Variants in PUS10 observed in about 807,000 individuals in gnomAD.
The protein encoded by PUS10 is tRNA pseudouridine synthase Pus10.
A neutral mutation model predicts 75.0 loss-of-function variants in PUS10; 59 were observed. That is an observed-to-expected ratio of 0.79 (90% CI 0.64 to 0.98). The LOEUF (loss-of-function observed/expected upper bound fraction) is 0.98, where lower values mean the gene tolerates loss of function less well. PUS10 is among the 50% of genes least tolerant of loss of function. The pLI is 0.00. For missense variants in PUS10, 650 were observed against 614.4 expected (o/e 1.06, Z -0.61); for synonymous variants, 219 against 211.6 (o/e 1.03, Z -0.30).
chr2:60,950,447 T>A (rs1675266026), intron 15 of PUS10, among the ~76,000 whole-genome samples: 1 of 152,196 alleles, frequency 6.6e-6, no homozygotes, highest in African/African-American at 2.4e-5. Context: ...AGACAGAGTC[T>A]CACTCTGTCC....
At position 61,015,225 on chromosome 2, in the gene PUS10, C is replaced by T. The variant is rs188126102; in HGVS notation, c.-16+2783G>A. On this transcript the variant is annotated intron_variant, in intron 1 of 17. Coordinates refer to ENST00000316752, the MANE Select transcript of PUS10 (RefSeq NM_144709.4). The stretch of plus-strand genomic sequence containing the variant: ...TCTAAATAATGAAGATCTGGCCAGG[C>T]CCAGTGGCTCACGCCTGTAATCCCA... Among the ~76,000 whole-genome samples, 15 of 152,302 alleles carry T rather than the reference C, an allele frequency of 9.8e-5. No individual in the cohort carries two copies. In the East Asian group the frequency reaches 2.1e-3, roughly 22 times the overall value.
intron 2 of PUS10, chr2:61,010,985 G>A (rs1365583710): frequency 5.6e-6 from 8 of 1,422,376 alleles, no homozygotes; most frequent in Non-Finnish European, 6.6e-6. Flanking sequence ...TGAATATTGT[G>A]TATTATTATT....
At chr2:60,943,040 A>G (rs77232018) in intron 17 of PUS10, among the ~76,000 whole-genome samples, 5 of 150,368 alleles carry the variant, frequency 3.3e-5, no homozygotes, top group Non-Finnish European at 5.9e-5. Flanking sequence ...ATCTCAGAAA[A>G]AAAAAAAAAA....
rs181013728 is a variant in PUS10, at chr2:60,956,892, G to A, written c.1001-1818C>T. Among the ~76,000 whole-genome samples, 594 of 144,978 alleles carry A rather than the reference G, an allele frequency of 4.1e-3. 2 individuals carry two copies. The highest frequency in any genetic ancestry group is 5.9e-3 in the Non-Finnish European group (397 of 67,180). ...TGGGAGGCTGAGGTAGGAGAATGGC[G>A]TGAACCTGGGAGGCTGAGCTTGCAG... is the stretch of plus-strand genomic sequence containing the variant. On this transcript the variant is annotated intron_variant, in intron 11 of 17. Coordinates refer to ENST00000316752, the MANE Select transcript of PUS10 (RefSeq NM_144709.4).
rs1676669904 is a variant in PUS10, at chr2:60,971,628, T to G, written c.469-71A>C. 16 of 1,404,616 alleles carry G rather than the reference T, an allele frequency of 1.1e-5. No homozygotes were observed. The South Asian group carries it at 1.9e-4, about 16-fold the overall frequency. 87.0% of individuals were successfully genotyped at this position (1,404,616 alleles called of 1,614,324 possible). ...TGTTCAGTGAAATTAAGTCTCAATATCATTACTGAAGTGCTTAACTATTTG... is the reference window on the plus strand; with the variant it reads ...TGTTCAGTGAAATTAAGTCTCAATAGCATTACTGAAGTGCTTAACTATTTG... On this transcript the variant is annotated intron_variant, in intron 4 of 17. Coordinates refer to ENST00000316752, the MANE Select transcript of PUS10 (RefSeq NM_144709.4).
chr2:60,985,628 G>A (rs1053180371), intron 4 of PUS10, among the ~76,000 whole-genome samples: 1 of 152,020 alleles, frequency 6.6e-6, no homozygotes, highest in East Asian at 1.9e-4. Context: ...AGCCTCCCGA[G>A]TAGCGGGAAT....
chr2:60,953,976 A>T lies in PUS10; in HGVS notation c.1147T>A (p.Ser383Thr), dbSNP rs1177406215. 6.2e-7 allele frequency: 1 copy of T among 1,613,798 alleles called. No homozygotes were observed. Among genetic ancestry groups the T allele is most frequent in the Non-Finnish European group, 8.5e-7 (1 of 1,179,748 alleles). The change falls in exon 14 of 18, where the codon TCA (serine) becomes ACA (threonine). Residue 383 changes from serine to threonine, a missense_variant. Ser to Thr is a moderately conservative substitution (Grantham distance 58). Coordinates refer to ENST00000316752, the MANE Select transcript of PUS10 (RefSeq NM_144709.4). ...IKELQQKINN[S>T]SNKIQVRDLQ... ...TCACGTACTTGGATTTTGTTAGATGAGTTATTAATTTTCTGTAGTAGCAGA... is the reference window on the plus strand; with the variant it reads ...TCACGTACTTGGATTTTGTTAGATGTGTTATTAATTTTCTGTAGTAGCAGA...
intron 10 of PUS10, among the ~76,000 whole-genome samples, chr2:60,961,133 T>C (rs1284131196): frequency 6.6e-6 from 1 of 152,212 alleles, no homozygotes; most frequent in African/African-American, 2.4e-5. Flanking sequence ...TGTTATAAAA[T>C]AGCCTCTGTC....
chr2:61,007,769 C>CAAA lies in PUS10; in HGVS notation c.381+989_381+991dup, dbSNP rs70959884. On this transcript the variant is annotated intron_variant, in intron 3 of 17. Coordinates refer to ENST00000316752, the MANE Select transcript of PUS10 (RefSeq NM_144709.4). ...GGGTGACAAGAGCCAAACTCTGTCT[C>CAAA]AAAAAAAAAAAAAAACAGAAAAAAA... is the stretch of plus-strand genomic sequence containing the variant. Among the ~76,000 whole-genome samples the CAAA allele has an allele frequency of 1.7e-3, 136 of 80,570 alleles. 1 individual carries two copies. The highest frequency in any genetic ancestry group is 0.014 in the Middle Eastern group (2 of 146). 52.9% of individuals were successfully genotyped at this position (80,570 alleles called of 152,430 possible). A position where few individuals can be genotyped will look rare whatever the true frequency, so the allele number is the denominator to read the frequency against.
In PUS10 at chr2:60,962,815, C is replaced by T. The variant is rs1440442109; in HGVS notation, c.788+11G>A. 1 of 1,578,744 alleles carries T rather than the reference C, an allele frequency of 6.3e-7. No individual in the cohort carries two copies. ...TTCACGATGCTTCTTTGTTTCTAAA[C>T]TTCTACTTACTTAAGGAAATCCTCT... is the stretch of plus-strand genomic sequence containing the variant. On this transcript the variant is annotated intron_variant, in intron 9 of 17. Transcript: ENST00000316752.
chr2:60,975,731 G>A (rs1376528705), intron 4 of PUS10, among the ~76,000 whole-genome samples: 3 of 146,900 alleles, frequency 2.0e-5, no homozygotes, highest in Non-Finnish European at 4.5e-5. Context: ...ATTTTGTCCC[G>A]CCCTTCCTTC....
At chr2:60,948,583 G>T (rs1424000902) in intron 15 of PUS10, among the ~76,000 whole-genome samples, 6 of 150,554 alleles carry the variant, frequency 4.0e-5, no homozygotes, top group African/African-American at 1.2e-4. Flanking sequence ...GGTTGTTTTG[G>T]TTTTTTTTTG....
At chr2:60,967,689 A>G (rs1676426911) in intron 5 of PUS10, 76 bp from the exon 6 acceptor site, 1 of 954,960 alleles carries the variant, frequency 1.0e-6, no homozygotes, top group Admixed American at 2.2e-5. Flanking sequence ...TTATGCAATT[A>G]TTTTTAAAAT....
At chr2:60,953,872 G>GAT in intron 14 of PUS10, 61 bp downstream of exon 14, 1 of 1,263,340 alleles carries the variant, frequency 7.9e-7, no homozygotes, top group Admixed American at 1.7e-5. Context: ...CCCTTATCAA[G>GAT]ATATGTGACC....
chr2:61,006,939 A>G (rs189157796), intron 3 of PUS10, among the ~76,000 whole-genome samples: 3 of 152,304 alleles, frequency 2.0e-5, no homozygotes, highest in Admixed American at 1.3e-4. Context: ...AAATAAACCC[A>G]AATATAGCAC....
chr2:61,009,170 C>T (rs1298642588), intron 2 of PUS10, among the ~76,000 whole-genome samples, 155 bp from the exon 3 acceptor site: 1 of 152,134 alleles, frequency 6.6e-6, no homozygotes, highest in East Asian at 1.9e-4. Flanking sequence ...AGTTATTAGC[C>T]AGCATTGGCT....
At chr2:60,991,315 G>C (rs923948847) in intron 4 of PUS10, among the ~76,000 whole-genome samples, 1 of 152,160 alleles carries the variant, frequency 6.6e-6, no homozygotes, top group Non-Finnish European at 1.5e-5. Context: ...TTGACTGATT[G>C]TATAGAATAT....
At chr2:60,953,376 A>G (rs551983624) in intron 14 of PUS10, among the ~76,000 whole-genome samples, 1 of 152,316 alleles carries the variant, frequency 6.6e-6, no homozygotes, top group South Asian at 2.1e-4. Flanking sequence ...CTAGACAACC[A>G]TTAACTGACT....
chr2:60,941,619 T>C lies in PUS10; in HGVS notation c.*776A>G, dbSNP rs563122677. On this transcript the variant is annotated 3_prime_UTR_variant, in exon 18 of 18. Coordinates refer to ENST00000316752, the MANE Select transcript of PUS10 (RefSeq NM_144709.4). ...ATACCAGTTCGTCTTTGTTTAGCAA[T>C]CTCAATTTTTCAAATTCTTAACCCT... The C allele has an allele frequency of 1.3e-5, 2 of 152,436 alleles. No homozygotes were observed. The highest frequency in any genetic ancestry group is 4.8e-5 in the African/African-American group (2 of 41,588). The allele number at this position is 152,436 out of a possible 1,614,324, so 9.4% of individuals were successfully genotyped here.
Sources: gnomAD v4.1 joint callset for allele counts (sites outside exome capture counted in the v4.1 genomes callset) on GRCh38, gnomAD v4.1.1 for gene constraint, MANE v1.5 for transcripts, NCBI Gene and HGNC (gene_info 2026-07-23, HGNC 2026-07-21) for gene names.